The following PIGL variants were observed in gnomAD, a reference collection of about 807,000 sequenced individuals.
PIGL encodes N-acetylglucosaminyl-phosphatidylinositol de-N-acetylase.
Under a neutral mutation model 31.1 loss-of-function variants are expected in PIGL, and 22 were observed. That is an observed-to-expected ratio of 0.71 (90% CI 0.51 to 1.01). The LOEUF (loss-of-function observed/expected upper bound fraction) is 1.01. Ranked by LOEUF, PIGL falls within the 50% of genes least tolerant of loss-of-function variation. The pLI, the probability that PIGL is intolerant of heterozygous loss-of-function variation, is 0.00. For synonymous variants in PIGL, 131 were observed against 117.4 expected (o/e 1.12, Z -0.75); for missense variants, 302 against 315.9 (o/e 0.96, Z 0.33).
rs149960301 is a variant in PIGL, at chr17:16,236,272, G to A, written c.335+2202G>A. ...CACCTAACTTTCATTAGGAAATTAC[G>A]CGTTTTTATGTATTCGGTGTTTCAG... On this transcript the variant is annotated intron_variant, in intron 2 of 6. Coordinates refer to ENST00000225609, the MANE Select transcript of PIGL (RefSeq NM_004278.4). Among the ~76,000 whole-genome samples, 433 of 152,216 alleles carry A rather than the reference G, an allele frequency of 2.8e-3. 3 individuals are homozygous for A. The highest frequency in any genetic ancestry group is 9.6e-3 in the African/African-American group (398 of 41,540).
At chr17:16,279,180 T>C (rs1028004886) in intron 2 of PIGL, among the ~76,000 whole-genome samples, 5 of 152,134 alleles carry the variant, frequency 3.3e-5, no homozygotes, top group African/African-American at 1.2e-4. Context: ...GGAGTCCCAA[T>C]CCAGACCCCA....
intron 2 of PIGL, among the ~76,000 whole-genome samples, chr17:16,289,644 T>C (rs753560788): frequency 2.6e-5 from 4 of 152,244 alleles, no homozygotes; most frequent in Admixed American, 6.5e-5. Flanking sequence ...GACCATTCCC[T>C]GTAGAGCTGC....
intron 3 of PIGL, among the ~76,000 whole-genome samples, chr17:16,306,104 A>G (rs1212585000): frequency 6.6e-6 from 1 of 152,064 alleles, no homozygotes; most frequent in South Asian, 2.1e-4. Context: ...ACGCGCCACC[A>G]TGCCCAGCTA....
chr17:16,317,536 T>C, intron 5 of PIGL: 5 of 1,251,280 alleles, frequency 4.0e-6, no homozygotes, highest in Non-Finnish European at 5.0e-6. Context: ...CCAACCTTTT[T>C]CTGGTAGGGC....
At chr17:16,268,748 C>A (rs1242416488) in intron 2 of PIGL, among the ~76,000 whole-genome samples, 2 of 151,834 alleles carry the variant, frequency 1.3e-5, no homozygotes, top group East Asian at 3.9e-4. Context: ...CTGCGCCTGG[C>A]GTTTTTTTGT....
At chr17:16,291,791 G>A (rs1304285067) in intron 2 of PIGL, among the ~76,000 whole-genome samples, 1 of 151,444 alleles carries the variant, frequency 6.6e-6, no homozygotes, top group Admixed American at 6.6e-5. Flanking sequence ...CTTGAATCTG[G>A]GAGGCGGAGG....
intron 1 of PIGL, 52 bp from the exon 2 acceptor site, chr17:16,233,919 G>T (rs537088047): frequency 2.2e-6 from 2 of 895,682 alleles, no homozygotes; most frequent in Admixed American, 1.9e-5. Context: ...GAATAGATAG[G>T]TCTCCACTGT....
chr17:16,246,353 A>T (rs932445866), intron 2 of PIGL, among the ~76,000 whole-genome samples: 1 of 151,400 alleles, frequency 6.6e-6, no homozygotes, highest in African/African-American at 2.4e-5. Flanking sequence ...CTCTACTAAA[A>T]ATACAAAAAT....
chr17:16,244,503 T>G (rs1463733067), intron 2 of PIGL, among the ~76,000 whole-genome samples: 1 of 152,224 alleles, frequency 6.6e-6, no homozygotes, highest in African/African-American at 2.4e-5. Context: ...GTGTCTGCTT[T>G]GGCCCAGTAA....
Position 16,221,936 on chromosome 17 carries a change from T to G in PIGL, c.235+4475T>G, listed in dbSNP as rs551000358. 3.9e-5 allele frequency among the ~76,000 whole-genome samples: 6 copies of G among 152,168 alleles called. No homozygotes were observed. The South Asian group carries it at 1.2e-3, about 32-fold the overall frequency. On this transcript the variant is annotated intron_variant, in intron 1 of 6. Coordinates refer to ENST00000225609, the MANE Select transcript of PIGL (RefSeq NM_004278.4). ...GCCTGGCCAATTTTTGCATTTTTAA[T>G]GGAGATAGGGTTTCACCTTGTTGGC...
intron 2 of PIGL, among the ~76,000 whole-genome samples, chr17:16,251,666 C>T (rs2092772552): frequency 6.7e-6 from 1 of 150,118 alleles, no homozygotes; most frequent in Non-Finnish European, 1.5e-5. Context: ...TTACCCAGTA[C>T]CTTAACATCT....
intron 3 of PIGL, among the ~76,000 whole-genome samples, chr17:16,304,002 CT>C (rs1396462924): frequency 6.6e-6 from 1 of 152,192 alleles, no homozygotes. Context: ...GTGTAAGCCA[CT>C]GCGCCCGGCC....
intron 3 of PIGL, among the ~76,000 whole-genome samples, chr17:16,304,181 T>A (rs959825127): frequency 6.6e-6 from 1 of 152,190 alleles, no homozygotes; most frequent in Non-Finnish European, 1.5e-5. Flanking sequence ...GAGCTGAGCA[T>A]GGGTTTCCAT....
intron 2 of PIGL, among the ~76,000 whole-genome samples, chr17:16,295,137 A>G (rs1039414625): frequency 6.6e-6 from 1 of 152,148 alleles, no homozygotes; most frequent in Non-Finnish European, 1.5e-5. Context: ...AATTAAATAT[A>G]TGCAGCCTGT....
chr17:16,235,435 C>CTTT lies in PIGL; in HGVS notation c.335+1389_335+1391dup, dbSNP rs903174807. Among the ~76,000 whole-genome samples the CTTT allele has an allele frequency of 3.7e-4, 34 of 90,926 alleles. 2 individuals are homozygous for CTTT. Among genetic ancestry groups the CTTT allele is most frequent in the African/African-American group, 8.3e-4 (17 of 20,536 alleles). The allele number at this position is 90,926 out of a possible 152,430, so 59.7% of individuals were successfully genotyped here. A position where few individuals can be genotyped will look rare whatever the true frequency, so the allele number is the denominator to read the frequency against. On this transcript the variant is annotated intron_variant, in intron 2 of 6. Transcript: ENST00000225609. ...TGTTTGTTTCCTGTATGTCTACGTTCTTTTTTTTTTTTTTTTTTTTTTTTT... is the reference window on the plus strand; with the variant it reads ...TGTTTGTTTCCTGTATGTCTACGTTCTTTTTTTTTTTTTTTTTTTTTTTTTTTT...
In PIGL at chr17:16,326,244, C is replaced by T. The variant is rs961296364; in HGVS notation, c.*346C>T. On this transcript the variant is annotated 3_prime_UTR_variant, in exon 7 of 7. Coordinates refer to ENST00000225609, the MANE Select transcript of PIGL (RefSeq NM_004278.4). ...ATTATCATAAATGAACATAAAAGTG[C>T]TCTAAAAACACTCCACAGATGTGAC... The T allele has an allele frequency of 7.9e-5, 18 of 227,030 alleles. No homozygotes were observed. The highest frequency in any genetic ancestry group is 1.5e-4 in the Non-Finnish European group (18 of 116,388). 14.1% of individuals were successfully genotyped at this position (227,030 alleles called of 1,614,324 possible).
In PIGL at chr17:16,292,030, C is replaced by T. The variant is rs944567673; in HGVS notation, c.336-7858C>T. On this transcript the variant is annotated intron_variant, in intron 2 of 6. Transcript: ENST00000225609. The stretch of plus-strand genomic sequence containing the variant: ...CCTTAGATTTTTCAAAGTAATGGAG[C>T]TCTTTTTTTTTTTTTTTTTTTTGAG... 6.2e-5 allele frequency among the ~76,000 whole-genome samples: 9 copies of T among 144,866 alleles called. No homozygotes were observed. In the East Asian group the frequency reaches 1.4e-3, roughly 22 times the overall value.
intron 2 of PIGL, among the ~76,000 whole-genome samples, chr17:16,280,911 G>A (rs557584734): frequency 1.9e-4 from 29 of 152,076 alleles, no homozygotes; most frequent in South Asian, 1.5e-3. Flanking sequence ...CACTATCTTG[G>A]CCAGGCTGGT....
At chr17:16,317,096 A>G in intron 5 of PIGL, 2 of 1,059,704 alleles carry the variant, frequency 1.9e-6, no homozygotes, top group Non-Finnish European at 2.3e-6. Flanking sequence ...AACTCTTCCT[A>G]ACCCACATAA....
Sources: allele counts gnomAD v4.1 joint callset (sites outside exome capture counted in the v4.1 genomes callset), GRCh38; gene constraint gnomAD v4.1.1; transcripts MANE v1.5; gene names NCBI Gene and HGNC (gene_info 2026-07-23, HGNC 2026-07-21).